Variants in GALK2 observed in about 807,000 individuals in gnomAD.
GALK2 encodes galactokinase 2, also known as N-acetylgalactosamine kinase.
Under a neutral mutation model 52.4 loss-of-function variants are expected in GALK2, and 36 were observed. The ratio of observed to expected loss-of-function variants is 0.69; its 90% CI spans 0.53 to 0.91. The LOEUF (loss-of-function observed/expected upper bound fraction) is 0.91, where lower values mean the gene tolerates loss of function less well. GALK2 is among the 40% of genes least tolerant of loss of function. The pLI is 0.00. For missense variants in GALK2, 579 were observed against 559.1 expected (o/e 1.04, Z -0.36); for synonymous variants, 176 against 199.1 (o/e 0.88, Z 0.98).
intron 5 of GALK2, among the ~76,000 whole-genome samples, chr15:49,281,065 G>A (rs2032622175): frequency 6.6e-6 from 1 of 152,154 alleles, no homozygotes. Context: ...TTGATCTCTT[G>A]ACCTCGTGAT....
intron 5 of GALK2, among the ~76,000 whole-genome samples, chr15:49,240,532 A>G (rs901777117): frequency 6.6e-6 from 1 of 152,194 alleles, no homozygotes; most frequent in African/African-American, 2.4e-5. Flanking sequence ...TTTCTATGGG[A>G]GCAGATATAA....
intron 5 of GALK2, among the ~76,000 whole-genome samples, chr15:49,259,684 T>C (rs2091998729): frequency 6.7e-6 from 1 of 150,020 alleles, no homozygotes; most frequent in Admixed American, 6.7e-5. Context: ...ACCCACTAAC[T>C]TGTCATCTAG....
chr15:49,156,135 T>C, intron 1 of GALK2: 1 of 1,017,656 alleles, frequency 9.8e-7, no homozygotes, highest in South Asian at 1.4e-5. Flanking sequence ...GTTATATTTG[T>C]AGTTGACAAA....
In GALK2 at chr15:49,331,341, CCTTTCTTTT is replaced by C. The variant is rs1156944074; in HGVS notation, c.*3191_*3199del. 1 of 154,002 alleles carries C rather than the reference CCTTTCTTTT, an allele frequency of 6.5e-6. No individual in the cohort carries two copies. The highest frequency in any genetic ancestry group is 1.4e-5 in the Non-Finnish European group (1 of 69,418). 9.5% of individuals were successfully genotyped at this position (154,002 alleles called of 1,614,324 possible). A position where few individuals can be genotyped will look rare whatever the true frequency, so the allele number is the denominator to read the frequency against. On this transcript the variant is annotated 3_prime_UTR_variant, in exon 10 of 10. Transcript: ENST00000560031. ...GAAAATCAGAAAGATGGAACAGGCTCCTTTCTTTTCTTTCTTTCTCATACTTGAGTCCTG... is the reference window on the plus strand; with the variant it reads ...GAAAATCAGAAAGATGGAACAGGCTCCTTTCTTTCTCATACTTGAGTCCTG...
intron 5 of GALK2, among the ~76,000 whole-genome samples, chr15:49,280,108 T>A (rs1234269853): frequency 2.0e-5 from 3 of 152,084 alleles, no homozygotes; most frequent in African/African-American, 7.2e-5. Context: ...AGAAACACCA[T>A]ACTTTATTCA....
In GALK2 at chr15:49,330,407, A is replaced by G. The variant is rs1001365854; in HGVS notation, c.*2248A>G. 6.6e-6 allele frequency: 1 copy of G among 152,172 alleles called. No homozygotes were observed. Among genetic ancestry groups the G allele is most frequent in the African/African-American group, 2.4e-5 (1 of 41,434 alleles). 9.4% of individuals were successfully genotyped at this position (152,172 alleles called of 1,614,324 possible). ...AGAATGACTAAAAACTTGGGCTCCA[A>G]ATCAGGAGATTGTACAAGCAGTATC... On this transcript the variant is annotated 3_prime_UTR_variant, in exon 10 of 10. Transcript: ENST00000560031.
chr15:49,324,349 T>G (rs762120767), intron 9 of GALK2, among the ~76,000 whole-genome samples: 20 of 146,262 alleles, frequency 1.4e-4, no homozygotes, highest in Non-Finnish European at 2.8e-4. Context: ...TGCAAATCCA[T>G]TGTTGCATGC....
intron 5 of GALK2, among the ~76,000 whole-genome samples, chr15:49,265,560 C>T (rs537757615): frequency 1.1e-4 from 16 of 152,366 alleles, no homozygotes; most frequent in East Asian, 9.7e-4. Context: ...TTGGCTCGCG[C>T]GCAGTGCGCT....
At position 49,264,030 on chromosome 15, in the gene GALK2, A is replaced by G. The variant is rs1223857936; in HGVS notation, c.505-17957A>G. Among the ~76,000 whole-genome samples the G allele has an allele frequency of 2.0e-5, 3 of 151,808 alleles. 1 individual carries two copies. The highest frequency in any genetic ancestry group is 7.3e-5 in the African/African-American group (3 of 41,274). On this transcript the variant is annotated intron_variant, in intron 5 of 9. Transcript: ENST00000560031. ...TTTTCCTTCATTTCAACTTTGGTGA[A>G]TCTGACAATTATGTGTCTTGGAGTT...
chr15:49,356,489 G>A (rs2043192405), intron 3 of GALK2, among the ~76,000 whole-genome samples: 1 of 148,718 alleles, frequency 6.7e-6, no homozygotes, highest in African/African-American at 2.5e-5. Context: ...GACAAAGAAG[G>A]CCATTACATA....
At chr15:49,316,431 C>T (rs530152110) in intron 8 of GALK2, among the ~76,000 whole-genome samples, 5 of 136,062 alleles carry the variant, frequency 3.7e-5, no homozygotes, top group Non-Finnish European at 7.6e-5. Flanking sequence ...CACATGGACA[C>T]AGGGAGGGGA....
chr15:49,321,154 T>C (rs550146860), intron 9 of GALK2, among the ~76,000 whole-genome samples: 27 of 152,340 alleles, frequency 1.8e-4, no homozygotes, highest in African/African-American at 6.5e-4. Flanking sequence ...GTGGGTACTC[T>C]TTCTGTGGAG....
intron 8 of GALK2, among the ~76,000 whole-genome samples, chr15:49,299,147 TTC>T (rs2034741712): frequency 6.6e-6 from 1 of 152,052 alleles, no homozygotes. Flanking sequence ...GTTTATTCAT[TTC>T]TTTTAGGTTT....
intron 7 of GALK2, among the ~76,000 whole-genome samples, chr15:49,287,455 T>C (rs538679302): frequency 6.6e-6 from 1 of 152,338 alleles, no homozygotes; most frequent in East Asian, 1.9e-4. Context: ...CTCAGAGATA[T>C]TGATATTAGG....
intron 9 of GALK2, among the ~76,000 whole-genome samples, chr15:49,324,508 C>T (rs547182930): frequency 9.5e-4 from 144 of 152,038 alleles, no homozygotes; most frequent in Non-Finnish European, 1.6e-3. Flanking sequence ...GACCCAAACC[C>T]ACTGCTCTTC....
At position 49,328,096 on chromosome 15, in the gene GALK2, G is replaced by A. The variant is rs745738396; in HGVS notation, c.1314G>A (p.Pro438=). Residue 438 remains proline (P), a synonymous_variant, in exon 10 of 10, where the codon CCG becomes CCA. Coordinates refer to ENST00000560031, the MANE Select transcript of GALK2 (RefSeq NM_002044.4). ...YYQRSDGSLA[P]EKQSLFATKP... ...AGAGGAGTGATGGAAGCTTAGCACC[G>A]GAGAAGCAAAGTTTGTTTGCTACCA... The A allele has an allele frequency of 9.0e-5, 145 of 1,613,908 alleles. No individual in the cohort carries two copies. Among genetic ancestry groups the A allele is most frequent in the Middle Eastern group, 3.3e-4 (2 of 6,082 alleles).
chr15:49,218,741 G>C (rs1427146630), intron 3 of GALK2, among the ~76,000 whole-genome samples: 2 of 152,188 alleles, frequency 1.3e-5, no homozygotes, highest in African/African-American at 4.8e-5. Context: ...GAATAATACT[G>C]CTACAAATAT....
intron 8 of GALK2, among the ~76,000 whole-genome samples, chr15:49,296,178 A>G (rs992117727): frequency 1.3e-5 from 2 of 152,190 alleles, no homozygotes; most frequent in African/African-American, 4.8e-5. Flanking sequence ...TTACATGTGT[A>G]AATTGCATGT....
chr15:49,206,580 T>A (rs890023670), intron 2 of GALK2, among the ~76,000 whole-genome samples: 1 of 152,092 alleles, frequency 6.6e-6, no homozygotes, highest in Non-Finnish European at 1.5e-5. Context: ...TTATTTTATT[T>A]TTTATTTATT....
Sources: gnomAD v4.1 joint callset for allele counts (sites outside exome capture counted in the v4.1 genomes callset) on GRCh38, gnomAD v4.1.1 for gene constraint, MANE v1.5 for transcripts, NCBI Gene and HGNC (gene_info 2026-07-23, HGNC 2026-07-21) for gene names.